Variants in TFDP1 observed in about 807,000 individuals in gnomAD.
TFDP1 encodes the protein transcription factor Dp-1.
Under a neutral mutation model 48.0 loss-of-function variants are expected in TFDP1, and 6 were observed. The ratio of observed to expected loss-of-function variants is 0.13; its 90% confidence interval spans 0.07 to 0.25. TFDP1 has a LOEUF of 0.25. Among genes scored for constraint, TFDP1 ranks in the 10% least tolerant of loss-of-function variants. The pLI, the probability that TFDP1 is intolerant of heterozygous loss-of-function variation, is 1.00. For missense variants in TFDP1, 335 were observed against 543.0 expected, an observed-to-expected ratio of 0.62 and a Z score of 3.81; for synonymous variants, 201 against 211.6, an observed-to-expected ratio of 0.95 and a Z score of 0.44.
intron 4 of TFDP1, among the ~76,000 whole-genome samples, chr13:113,624,972 C>T (rs1286396044): frequency 7.1e-6 from 1 of 141,472 alleles, no homozygotes; most frequent in Non-Finnish European, 1.5e-5. Context: ...CAGGGTATCT[C>T]TCACATGTCC....
At chr13:113,636,225 T>TAAAAATAGCAAATGTTGC in intron 9 of TFDP1, 97 bp downstream of exon 9, 2 of 1,464,174 alleles carry the variant, frequency 1.4e-6, no homozygotes, top group South Asian at 2.6e-5. Context: ...TTAAATGTTG[T>TAAAAATAGCAAATGTTGC]ACAAATAGCA....
intron 2 of TFDP1, among the ~76,000 whole-genome samples, chr13:113,590,089 A>C (rs1432434812): frequency 6.6e-6 from 1 of 152,196 alleles, no homozygotes; most frequent in Non-Finnish European, 1.5e-5. Flanking sequence ...TCCTCCTGCC[A>C]TTGGTAAAGA....
intron 4 of TFDP1, among the ~76,000 whole-genome samples, chr13:113,630,996 G>T (rs1414597736): frequency 1.3e-5 from 2 of 152,200 alleles, no homozygotes; most frequent in Non-Finnish European, 2.9e-5. Flanking sequence ...CTCCCTCCTT[G>T]CCTGACGCCG....
chr13:113,603,450 C>T (rs147689102), intron 2 of TFDP1, among the ~76,000 whole-genome samples: 6 of 152,328 alleles, frequency 3.9e-5, no homozygotes, highest in East Asian at 1.9e-4. Context: ...TTAAAGATGA[C>T]GGCAGTGATA....
chr13:113,637,308 A>T (rs1377955114), intron 10 of TFDP1: 1 of 294,926 alleles, frequency 3.4e-6, no homozygotes, highest in Non-Finnish European at 6.6e-6. Context: ...TGGGGTGTAG[A>T]TTTATTCCCT....
intron 2 of TFDP1, among the ~76,000 whole-genome samples, chr13:113,609,029 G>A (rs1219848710): frequency 6.6e-6 from 1 of 152,252 alleles, no homozygotes; most frequent in African/African-American, 2.4e-5. Context: ...ACGCATGCCG[G>A]CCTTCAGGCA....
chr13:113,590,118 G>A (rs2048103847), intron 2 of TFDP1, among the ~76,000 whole-genome samples: 1 of 152,210 alleles, frequency 6.6e-6, no homozygotes, highest in African/African-American at 2.4e-5. Flanking sequence ...ATCTGAACTC[G>A]CTCTTGGGCT....
intron 2 of TFDP1, among the ~76,000 whole-genome samples, chr13:113,604,553 G>A (rs2048517432): frequency 6.6e-6 from 1 of 152,186 alleles, no homozygotes; most frequent in Admixed American, 6.6e-5. Context: ...CCTGGAGAGT[G>A]GGGACTTGTG....
chr13:113,608,940 G>A (rs1250993249), intron 2 of TFDP1, among the ~76,000 whole-genome samples: 2 of 152,164 alleles, frequency 1.3e-5, no homozygotes, highest in Admixed American at 1.3e-4. Context: ...AACCTGGCCT[G>A]GATGGTAGTG....
At chr13:113,595,084 A>G (rs1306931918) in intron 2 of TFDP1, among the ~76,000 whole-genome samples, 1 of 152,062 alleles carries the variant, frequency 6.6e-6, no homozygotes, top group African/African-American at 2.4e-5. Context: ...TTTTTCTACC[A>G]TGTTTTCAGC....
intron 3 of TFDP1, among the ~76,000 whole-genome samples, chr13:113,614,390 A>G (rs1390746857): frequency 6.6e-6 from 1 of 152,064 alleles, no homozygotes; most frequent in East Asian, 1.9e-4. Context: ...GCGCCCTTAG[A>G]TGGAGCCGTT....
chr13:113,623,347 C>A lies in TFDP1; in HGVS notation c.186+61C>A. On this transcript the variant is annotated intron_variant, in intron 4 of 11. Transcript: ENST00000375370. This position sits in a 1 kb window ranked among gnomAD's most constrained non-coding sequence, Gnocchi z 5.2. Reference sequence around the variant, plus strand: ...GGTGTGAGGTCGGGATCGGATGAGCCGTGTGGTTGGGGATGTTCCCAGGTG... The same window carrying A: ...GGTGTGAGGTCGGGATCGGATGAGCAGTGTGGTTGGGGATGTTCCCAGGTG... 1 of 1,487,728 alleles carries A rather than the reference C, an allele frequency of 6.7e-7. No individual in the cohort carries two copies. Among genetic ancestry groups the A allele is most frequent in the South Asian group, 1.2e-5 (1 of 82,720 alleles). 92.2% of individuals were successfully genotyped at this position (1,487,728 alleles called of 1,614,324 possible).
chr13:113,636,752 C>G (rs1273727924), intron 10 of TFDP1, 52 bp downstream of exon 10: 2 of 1,580,004 alleles, frequency 1.3e-6, no homozygotes, highest in Admixed American at 3.6e-5. Context: ...TGGCCCCCAG[C>G]CTCCGACGGT....
Position 113,627,083 on chromosome 13 carries a change from G to A in TFDP1, c.186+3797G>A, listed in dbSNP as rs1290504884. On this transcript the variant is annotated intron_variant, in intron 4 of 11. Coordinates refer to ENST00000375370, the MANE Select transcript of TFDP1 (RefSeq NM_007111.5). This position sits in a 1 kb window ranked among gnomAD's most constrained non-coding sequence, Gnocchi z 4.1. ...GTGATGGGAATTAAAGCTGACAAAGGGCAAATGTTTCTTAAACCTTTTTAT... is the reference window on the plus strand; with the variant it reads ...GTGATGGGAATTAAAGCTGACAAAGAGCAAATGTTTCTTAAACCTTTTTAT... 6.6e-6 allele frequency among the ~76,000 whole-genome samples: 1 copy of A among 152,220 alleles called. No homozygotes were observed. The highest frequency in any genetic ancestry group is 1.5e-5 in the Non-Finnish European group (1 of 68,046).
Position 113,598,729 on chromosome 13 carries a change from A to T in TFDP1, c.13-12267A>T, listed in dbSNP as rs1293323714. 6.6e-6 allele frequency among the ~76,000 whole-genome samples: 1 copy of T among 151,730 alleles called. No homozygotes were observed. On this transcript the variant is annotated intron_variant, in intron 2 of 11. Coordinates refer to ENST00000375370, the MANE Select transcript of TFDP1 (RefSeq NM_007111.5). This position sits in a 1 kb window ranked among gnomAD's most constrained non-coding sequence, Gnocchi z 4.2. Reference sequence around the variant, plus strand: ...ATTTAAGTTGCGTGGGGCCGGGAGGAGGCGTTCTCTGCCCCTACGTGGCTC... The same window carrying T: ...ATTTAAGTTGCGTGGGGCCGGGAGGTGGCGTTCTCTGCCCCTACGTGGCTC...
At chr13:113,616,127 C>T (rs1299267863) in intron 3 of TFDP1, among the ~76,000 whole-genome samples, 1 of 151,368 alleles carries the variant, frequency 6.6e-6, no homozygotes, top group Non-Finnish European at 1.5e-5. Flanking sequence ...CACTTGAACC[C>T]TGTAGGCGGA....
rs1038276117 is a variant in TFDP1 at position 113,633,769 on chromosome 13, C to T, written c.475-121C>T. On this transcript the variant is annotated intron_variant, in intron 6 of 11. Coordinates refer to ENST00000375370, the MANE Select transcript of TFDP1 (RefSeq NM_007111.5). The surrounding 1 kb of genome is among the most constrained non-coding windows in gnomAD (Gnocchi z 4.5). Reference sequence around the variant, plus strand: ...GTGGGGTGGGAGCGCTCCCTGAGGGCATGTTGGGGTGGCGGCTCCGTGAGC... The same window carrying T: ...GTGGGGTGGGAGCGCTCCCTGAGGGTATGTTGGGGTGGCGGCTCCGTGAGC... 8.3e-6 allele frequency: 10 copies of T among 1,197,840 alleles called. No individual in the cohort carries two copies. Among genetic ancestry groups the T allele is most frequent in the Non-Finnish European group, 1.1e-5 (9 of 849,532 alleles). 74.2% of individuals were successfully genotyped at this position (1,197,840 alleles called of 1,614,324 possible).
intron 10 of TFDP1, chr13:113,637,578 T>C (rs2049524737): frequency 1.3e-6 from 2 of 1,506,468 alleles, no homozygotes; most frequent in Non-Finnish European, 1.8e-6. Flanking sequence ...TGTAAGTCAG[T>C]GTGTGCAGGT....
intron 4 of TFDP1, among the ~76,000 whole-genome samples, chr13:113,624,544 A>C (rs372407765): frequency 3.5e-4 from 42 of 118,866 alleles, no homozygotes; most frequent in Non-Finnish European, 4.5e-4. Flanking sequence ...CTCTCAGGGT[A>C]TCTCTCACGT....
Sources: allele counts gnomAD v4.1 joint callset (sites outside exome capture counted in the v4.1 genomes callset), GRCh38; gene constraint gnomAD v4.1.1; non-coding constraint Gnocchi (gnomAD v3.1); transcripts MANE v1.5; gene names NCBI Gene and HGNC (gene_info 2026-07-23, HGNC 2026-07-21).